Variants in ARMC9 observed in about 807,000 individuals in gnomAD.
The protein encoded by ARMC9 is lisH domain-containing protein ARMC9.
ARMC9 carries 94 observed loss-of-function variants against 107.0 expected under a neutral mutation model. The ratio of observed to expected loss-of-function variants is 0.88; its 90% CI spans 0.74 to 1.04. The LOEUF is 1.04. Ranked by LOEUF, ARMC9 falls within the 50% of genes least tolerant of loss-of-function variation. The pLI, the probability that ARMC9 is intolerant of heterozygous loss-of-function variation, is 0.00. For missense variants in ARMC9, 942 were observed against 1,030.1 expected (o/e 0.91, Z 1.17); for synonymous variants, 380 against 396.9 (o/e 0.96, Z 0.51).
chr2:231,364,746 C>T lies in ARMC9; in HGVS notation c.2261+3863C>T, dbSNP rs539260274. On this transcript the variant is annotated intron_variant, in intron 23 of 24. Transcript: ENST00000611582. ...CCAGGAGGTGGAGGTTGCAGTGAGCCGAGATCACACCATTGCACTCCAGCC... is the reference window on the plus strand; with the variant it reads ...CCAGGAGGTGGAGGTTGCAGTGAGCTGAGATCACACCATTGCACTCCAGCC... 6.0e-5 allele frequency among the ~76,000 whole-genome samples: 9 copies of T among 151,090 alleles called. No individual in the cohort carries two copies. In the South Asian group the frequency reaches 8.4e-4, roughly 14 times the overall value.
At chr2:231,229,060 T>G (rs1261638888) in intron 7 of ARMC9, among the ~76,000 whole-genome samples, 1 of 152,076 alleles carries the variant, frequency 6.6e-6, no homozygotes, top group Non-Finnish European at 1.5e-5. Flanking sequence ...TTTTTAAGCC[T>G]TCTTTAGGGT....
intron 23 of ARMC9, among the ~76,000 whole-genome samples, chr2:231,369,697 G>A (rs1264358274): frequency 1.1e-4 from 17 of 151,360 alleles, no homozygotes; most frequent in Admixed American, 9.9e-4. Context: ...AGGTTCAAGC[G>A]GTTCTCCTGC....
At chr2:231,335,037 TTC>T (rs2043994340) in intron 20 of ARMC9, among the ~76,000 whole-genome samples, 2 of 152,188 alleles carry the variant, frequency 1.3e-5, no homozygotes, top group South Asian at 2.1e-4. Flanking sequence ...TTTTGAAACA[TTC>T]TGTCAGAAAA....
chr2:231,365,598 G>C (rs1371462829), intron 23 of ARMC9, among the ~76,000 whole-genome samples: 1 of 152,180 alleles, frequency 6.6e-6, no homozygotes, highest in Non-Finnish European at 1.5e-5. Context: ...AGAAAACCCA[G>C]AAAGGGGCAG....
At chr2:231,311,527 T>C (rs1300960475) in intron 19 of ARMC9, among the ~76,000 whole-genome samples, 3 of 151,842 alleles carry the variant, frequency 2.0e-5, no homozygotes, top group Non-Finnish European at 2.9e-5. Flanking sequence ...CCCAGCACTT[T>C]GGGAGGCCAA....
intron 9 of ARMC9, among the ~76,000 whole-genome samples, chr2:231,247,483 G>A (rs773309783): frequency 2.4e-4 from 37 of 152,242 alleles, no homozygotes; most frequent in Non-Finnish European, 4.0e-4. Flanking sequence ...AAATGCCTAC[G>A]CTTTCCCCAC....
chr2:231,278,459 G>A lies in ARMC9; in HGVS notation c.1551+1G>A, dbSNP rs779340717. ...TCTTCTTGGCCATGAAAACCATGAG[G>A]TACTCATTCAGCACTGCTGGCCCTG... is the stretch of plus-strand genomic sequence containing the variant. On this transcript the variant is annotated splice_donor_variant, in intron 16 of 24. Transcript: ENST00000611582. LOFTEE classifies it high-confidence loss of function. 4.3e-6 allele frequency: 7 copies of A among 1,613,664 alleles called. No individual in the cohort carries two copies. In the African/African-American group the frequency reaches 8.0e-5, roughly 18 times the overall value.
intron 9 of ARMC9, among the ~76,000 whole-genome samples, chr2:231,247,215 A>G (rs1003715624): frequency 6.6e-6 from 1 of 152,222 alleles, no homozygotes; most frequent in African/African-American, 2.4e-5. Flanking sequence ...TCGGCCTCCC[A>G]AAGTGCTGGG....
At chr2:231,262,960 C>G (rs186668062) in intron 12 of ARMC9, among the ~76,000 whole-genome samples, 1 of 150,704 alleles carries the variant, frequency 6.6e-6, no homozygotes, top group Non-Finnish European at 1.5e-5. Context: ...CTCGGGAGGT[C>G]GTTGGGATGA....
intron 19 of ARMC9, among the ~76,000 whole-genome samples, chr2:231,313,259 G>A (rs2042456864): frequency 6.6e-6 from 1 of 152,078 alleles, no homozygotes; most frequent in South Asian, 2.1e-4. Context: ...AGAATATTTG[G>A]TCTGTCCAAT....
intron 1 of ARMC9, 136 bp from the exon 2 acceptor site, chr2:231,206,062 C>T (rs946682677): frequency 1.5e-6 from 1 of 649,372 alleles, no homozygotes; most frequent in African/African-American, 1.9e-5. Context: ...TGCCGTGTAA[C>T]CTCACGTATT....
At chr2:231,320,975 G>C (rs17587003) in intron 19 of ARMC9, among the ~76,000 whole-genome samples, 17,940 of 152,240 alleles carry the variant, frequency 0.12, 2,232 homozygotes, top group East Asian at 0.31. Flanking sequence ...CACCAAGAAA[G>C]GGTTCAGAAG....
In ARMC9 at chr2:231,308,587, G is replaced by A. The variant is rs969973519; in HGVS notation, c.1773+12334G>A. On this transcript the variant is annotated intron_variant, in intron 19 of 24. Coordinates refer to ENST00000611582, the MANE Select transcript of ARMC9 (RefSeq NM_001352754.2). ...ATTAACAATACGGGGAACACAGGCT[G>A]GGGGTAAGAGCAGATCATGTGTAGG... 2.0e-5 allele frequency among the ~76,000 whole-genome samples: 3 copies of A among 152,142 alleles called. No homozygotes were observed. In the South Asian group the frequency reaches 6.2e-4, roughly 32 times the overall value.
intron 3 of ARMC9, among the ~76,000 whole-genome samples, chr2:231,209,395 A>T (rs1445814298): frequency 6.6e-6 from 1 of 152,184 alleles, no homozygotes; most frequent in Non-Finnish European, 1.5e-5. Context: ...AAAATTAAAA[A>T]GTCATTATTT....
intron 12 of ARMC9, 61 bp from the exon 13 acceptor site, chr2:231,270,921 A>G: frequency 1.4e-6 from 2 of 1,404,888 alleles, no homozygotes; most frequent in Non-Finnish European, 1.0e-6. Flanking sequence ...CCCGAAGAGG[A>G]GGCGTGTGTT....
chr2:231,294,086 C>T lies in ARMC9; in HGVS notation c.1718-2112C>T, dbSNP rs556209397. The T allele has an allele frequency of 7.2e-5, 11 of 152,310 alleles. No individual in the cohort carries two copies. The South Asian group carries it at 1.2e-3, about 17-fold the overall frequency. The allele number at this position is 152,310 out of a possible 1,614,324, so 9.4% of individuals were successfully genotyped here. On this transcript the variant is annotated intron_variant, in intron 18 of 24. Transcript: ENST00000611582. ...GAAAACATCTCTGTGGGTTTTCACA[C>T]GTCCAAGTCCAATCACAGTCTTCTA...
chr2:231,306,153 T>C (rs2042024897), intron 19 of ARMC9, among the ~76,000 whole-genome samples: 1 of 152,244 alleles, frequency 6.6e-6, no homozygotes, highest in Admixed American at 6.5e-5. Context: ...TTGGAATAGA[T>C]TCCTCCCTTC....
Position 231,360,928 on chromosome 2 carries a change from T to G in ARMC9, c.2261+45T>G, listed in dbSNP as rs1226777000. ...GCCTCGAACCTGACTCTCGGAGCTCTGGGAGTGGGCGCCCCACGCCGGATG... is the reference window on the plus strand; with the variant it reads ...GCCTCGAACCTGACTCTCGGAGCTCGGGGAGTGGGCGCCCCACGCCGGATG... On this transcript the variant is annotated intron_variant, in intron 23 of 24. Transcript: ENST00000611582. This position sits in a 1 kb window ranked among gnomAD's most constrained non-coding sequence, Gnocchi z 4.7. The G allele has an allele frequency of 1.4e-6, 2 of 1,472,072 alleles. No homozygotes were observed. The highest frequency in any genetic ancestry group is 2.5e-5 in the East Asian group (1 of 40,460). 91.2% of individuals were successfully genotyped at this position (1,472,072 alleles called of 1,614,324 possible).
intron 1 of ARMC9, among the ~76,000 whole-genome samples, chr2:231,203,610 G>A (rs1428922087): frequency 1.3e-5 from 2 of 152,158 alleles, no homozygotes. Context: ...GGCAGAGGAG[G>A]GAGGATTGAG....
Sources: allele counts gnomAD v4.1 joint callset (sites outside exome capture counted in the v4.1 genomes callset), GRCh38; gene constraint gnomAD v4.1.1; non-coding constraint Gnocchi (gnomAD v3.1); transcripts MANE v1.5; gene names NCBI Gene and HGNC (gene_info 2026-07-23, HGNC 2026-07-21).